Variants in ZNF485 observed in about 807,000 individuals in gnomAD.
ZNF485 encodes Zinc finger protein 93 (Zinc finger protein HTF34).
Under a neutral mutation model 10.8 loss-of-function variants are expected in ZNF485, and 9 were observed. The ratio of observed to expected loss-of-function variants is 0.83; its 90% CI spans 0.50 to 1.45. The LOEUF is 1.45. ZNF485 is among the 40% of genes most tolerant of loss of function. ZNF485 has a pLI of 0.00. For synonymous variants in ZNF485, 187 were observed against 181.0 expected (o/e 1.03, Z -0.27); for missense variants, 487 against 528.0 (o/e 0.92, Z 0.76).
Position 43,616,745 on chromosome 10 carries a change from A to G in ZNF485, c.702A>G (p.Arg234=), listed in dbSNP as rs1269115831. Residue 234 remains arginine, a synonymous_variant, in exon 5 of 5, where the codon AGA becomes AGG. Transcript: ENST00000361807. ...RKNSILLSHQ[R]IHTGQKPYKC... ...ACTCAATCCTTTTAAGTCATCAGAG[A>G]ATTCATACTGGCCAGAAACCCTACA... The G allele has an allele frequency of 3.1e-6, 5 of 1,614,150 alleles. No homozygotes were observed. Among genetic ancestry groups the G allele is most frequent in the Non-Finnish European group, 4.2e-6 (5 of 1,180,042 alleles).
In ZNF485 at chr10:43,608,618, CG is replaced by C. The variant is rs1838701759; in HGVS notation, c.30del (p.Leu11Ter). 54 of 1,613,096 alleles carry C rather than the reference CG, an allele frequency of 3.3e-5. No homozygotes were observed. Among genetic ancestry groups the C allele is most frequent in the Non-Finnish European group, 4.6e-5 (54 of 1,179,474 alleles). Reference protein sequence around the residue: MAPRAQIQGPLTFGDVAVAF... With the variant: MAPRAQIQGXLTFGDVAVAF... ...GAATTGGGTTTGGTTTTGCAGGGAC[CG>C]CTGACATTTGGGGATGTGGCTGTGG... On this transcript the variant is annotated frameshift_variant, in exon 3 of 5. Transcript: ENST00000361807. LOFTEE classifies it high-confidence loss of function.
Position 43,617,165 on chromosome 10 carries a change from A to T in ZNF485, c.1122A>T (p.Arg374Ser). ...TKSSTLTGHQ[R>S]IHTGEKPYHC... ...GCTCAACCCTTACTGGACATCAGAG[A>T]ATTCATACTGGAGAAAAACCCTATC... is the stretch of plus-strand genomic sequence containing the variant. Residue 374 changes from arginine (R) to serine (S), a missense_variant, in exon 5 of 5, where the codon AGA becomes AGT. Arg to Ser is a moderately radical substitution (Grantham distance 110). Coordinates refer to ENST00000361807, the MANE Select transcript of ZNF485 (RefSeq NM_145312.4). 6.2e-7 allele frequency: 1 copy of T among 1,614,214 alleles called. No homozygotes were observed. The highest frequency in any genetic ancestry group is 8.5e-7 in the Non-Finnish European group (1 of 1,180,036).
chr10:43,613,469 C>G (rs917754861), intron 4 of ZNF485, among the ~76,000 whole-genome samples: 1 of 152,198 alleles, frequency 6.6e-6, no homozygotes, highest in Non-Finnish European at 1.5e-5. Flanking sequence ...AGTACAGTTG[C>G]GGGGCCCCCT....
chr10:43,617,005 C>G lies in ZNF485; in HGVS notation c.962C>G (p.Thr321Ser). The G allele has an allele frequency of 6.2e-7, 1 of 1,614,132 alleles. No homozygotes were observed. The change falls in exon 5 of 5, where the codon ACT (threonine) becomes AGT (serine). Residue 321 changes from threonine to serine, a missense_variant. Thr to Ser is a moderately conservative substitution (Grantham distance 58). Coordinates refer to ENST00000361807, the MANE Select transcript of ZNF485 (RefSeq NM_145312.4). ...STLISHQRMH[T>S]GEKPYHCSKC... The stretch of plus-strand genomic sequence containing the variant: ...CTTATTAGTCACCAAAGAATGCATA[C>G]TGGGGAGAAACCCTATCACTGCAGT...
rs1027696587 is a variant in ZNF485, at chr10:43,606,455, C to A, written c.-146C>A. ...GTCTCCGCGTGGTGCGAGCGCTGCA[C>A]CAGCCCCTGGCTGGTGGTTACTGTC... is the stretch of plus-strand genomic sequence containing the variant. On this transcript the variant is annotated 5_prime_UTR_variant, in exon 1 of 5. Transcript: ENST00000361807. The A allele has an allele frequency of 2.4e-6, 1 of 415,732 alleles. No individual in the cohort carries two copies. Among genetic ancestry groups the A allele is most frequent in the South Asian group, 2.1e-5 (1 of 47,154 alleles). 25.8% of individuals were successfully genotyped at this position (415,732 alleles called of 1,614,324 possible).
intron 4 of ZNF485, 127 bp downstream of exon 4, chr10:43,609,477 T>C: frequency 1.5e-6 from 1 of 675,746 alleles, no homozygotes; most frequent in Non-Finnish European, 2.5e-6. Flanking sequence ...TTTGATGTCA[T>C]CCTCCTGTCA....
Position 43,616,821 on chromosome 10 carries a change from C to T in ZNF485, c.778C>T (p.His260Tyr). ...CGCTCAGAATGCAGCTCTTACTCGT[C>T]ATGAAAGAATACATAGTGGAGAGAA... ...AFAQNAALTRHERIHSGEKPF... is the reference protein window; with the variant it reads ...AFAQNAALTRYERIHSGEKPF... The change falls in exon 5 of 5, where the codon CAT becomes TAT. Residue 260 changes from histidine to tyrosine, a missense_variant. By Grantham distance (83) the His-to-Tyr change is moderately conservative. Coordinates refer to ENST00000361807, the MANE Select transcript of ZNF485 (RefSeq NM_145312.4). 2 of 1,614,060 alleles carry T rather than the reference C, an allele frequency of 1.2e-6. No homozygotes were observed. Among genetic ancestry groups the T allele is most frequent in the Non-Finnish European group, 1.7e-6 (2 of 1,179,990 alleles).
chr10:43,616,662 A>T lies in ZNF485; in HGVS notation c.619A>T (p.Ile207Phe), dbSNP rs1428763759. The T allele has an allele frequency of 6.2e-7, 1 of 1,614,212 alleles. No homozygotes were observed. Among genetic ancestry groups the T allele is most frequent in the East Asian group, 2.2e-5 (1 of 44,884 alleles). Reference sequence around the variant, plus strand: ...CTCAACGTTTATCAACCATCAGAGAATTCATTCTAGGGAGAAACCCCACAA... The same window carrying T: ...CTCAACGTTTATCAACCATCAGAGATTTCATTCTAGGGAGAAACCCCACAA... ...KHSTFINHQR[I>F]HSREKPHKCI... The change falls in exon 5 of 5, where the codon ATT becomes TTT. Residue 207 changes from isoleucine (I) to phenylalanine (F), a missense_variant. Coordinates refer to ENST00000361807, the MANE Select transcript of ZNF485 (RefSeq NM_145312.4).
chr10:43,608,509 C>T, intron 2 of ZNF485, 105 bp from the exon 3 acceptor site: 1 of 1,415,568 alleles, frequency 7.1e-7, no homozygotes, highest in Non-Finnish European at 9.5e-7. Context: ...TTTCCATGAG[C>T]ACTGTTGGAA....
Position 43,617,059 on chromosome 10 carries a change from C to T in ZNF485, c.1016C>T (p.Ser339Leu). 1 of 1,614,188 alleles carries T rather than the reference C, an allele frequency of 6.2e-7. No homozygotes were observed. The highest frequency in any genetic ancestry group is 8.5e-7 in the Non-Finnish European group (1 of 1,180,034). ...SKCGKSFRYS[S>L]SFAGHQKTHS... Reference sequence around the variant, plus strand: ...TGTGGAAAATCTTTCAGGTATAGCTCATCCTTTGCTGGTCATCAGAAAACT... The same window carrying T: ...TGTGGAAAATCTTTCAGGTATAGCTTATCCTTTGCTGGTCATCAGAAAACT... The change falls in exon 5 of 5, where the codon TCA (serine) becomes TTA (leucine). Residue 339 changes from serine (S) to leucine (L), a missense_variant. Ser to Leu is a moderately radical substitution (Grantham distance 145). Coordinates refer to ENST00000361807, the MANE Select transcript of ZNF485 (RefSeq NM_145312.4).
chr10:43,607,952 G>A (rs1838685293), intron 2 of ZNF485, among the ~76,000 whole-genome samples: 1 of 152,148 alleles, frequency 6.6e-6, no homozygotes, highest in Non-Finnish European at 1.5e-5. Flanking sequence ...ACTTTATATA[G>A]TTACGGCAGA....
chr10:43,610,074 A>G (rs1838740575), intron 4 of ZNF485, among the ~76,000 whole-genome samples: 1 of 152,188 alleles, frequency 6.6e-6, no homozygotes. Context: ...GCAGATTCCA[A>G]ACATAAGCAT....
intron 2 of ZNF485, among the ~76,000 whole-genome samples, chr10:43,608,329 T>C (rs796228092): frequency 3.9e-5 from 6 of 152,296 alleles, no homozygotes; most frequent in African/African-American, 9.6e-5. Context: ...GTTTCGAGAC[T>C]GAGTGGCAGA....
chr10:43,611,752 T>C (rs1180168848), intron 4 of ZNF485, among the ~76,000 whole-genome samples: 1 of 152,194 alleles, frequency 6.6e-6, no homozygotes, highest in Non-Finnish European at 1.5e-5. Flanking sequence ...GGAGTGTGAT[T>C]TAGCATGTTT....
chr10:43,617,123 G>A lies in ZNF485; in HGVS notation c.1080G>A (p.Gly360=), dbSNP rs1838878100. 1.2e-6 allele frequency: 2 copies of A among 1,614,040 alleles called. No homozygotes were observed. Among genetic ancestry groups the A allele is most frequent in the Admixed American group, 1.7e-5 (1 of 60,004 alleles). ...AACCGTATCAGTGTCGTGACTGTGG[G>A]AAGGCCTTTACAAAGAGCTCAACCC... is the stretch of plus-strand genomic sequence containing the variant. The part of the protein sequence containing the change: ...GNKPYQCRDC[G]KAFTKSSTLT... The change falls in exon 5 of 5, where the codon GGG becomes GGA. Residue 360 remains glycine (G), a synonymous_variant. Coordinates refer to ENST00000361807, the MANE Select transcript of ZNF485 (RefSeq NM_145312.4).
chr10:43,617,016 C>T lies in ZNF485; in HGVS notation c.973C>T (p.Pro325Ser). ...CCAAAGAATGCATACTGGGGAGAAA[C>T]CCTATCACTGCAGTAAATGTGGAAA... Reference protein sequence around the residue: ...SHQRMHTGEKPYHCSKCGKSF... With the variant: ...SHQRMHTGEKSYHCSKCGKSF... The change falls in exon 5 of 5, where the codon CCC becomes TCC. Residue 325 changes from proline to serine, a missense_variant. Physicochemically the swap from Pro to Ser is moderately conservative, Grantham distance 74. Transcript: ENST00000361807. The T allele has an allele frequency of 6.2e-7, 1 of 1,614,170 alleles. No individual in the cohort carries two copies. The highest frequency in any genetic ancestry group is 8.5e-7 in the Non-Finnish European group (1 of 1,180,044).
Position 43,617,052 on chromosome 10 carries a change from T to C in ZNF485, c.1009T>C (p.Tyr337His). 6.2e-7 allele frequency: 1 copy of C among 1,614,160 alleles called. No homozygotes were observed. The highest frequency in any genetic ancestry group is 1.1e-5 in the South Asian group (1 of 91,082). The change falls in exon 5 of 5, where the codon TAT (tyrosine) becomes CAT (histidine). Residue 337 changes from tyrosine (Y) to histidine (H), a missense_variant. By Grantham distance (83) the Tyr-to-His change is moderately conservative (BLOSUM62 2). Transcript: ENST00000361807. ...HCSKCGKSFR[Y>H]SSSFAGHQKT... ...CAGTAAATGTGGAAAATCTTTCAGGTATAGCTCATCCTTTGCTGGTCATCA... is the reference window on the plus strand; with the variant it reads ...CAGTAAATGTGGAAAATCTTTCAGGCATAGCTCATCCTTTGCTGGTCATCA...
chr10:43,608,547 G>C, intron 2 of ZNF485, 67 bp from the exon 3 acceptor site: 1 of 1,542,608 alleles, frequency 6.5e-7, no homozygotes, highest in Non-Finnish European at 8.8e-7. Flanking sequence ...TGACCACCTT[G>C]CTTCCTTCTC....
chr10:43,610,726 T>G (rs985458664), intron 4 of ZNF485, among the ~76,000 whole-genome samples: 7 of 149,780 alleles, frequency 4.7e-5, no homozygotes, highest in Non-Finnish European at 8.8e-5. Flanking sequence ...GTATTTTATG[T>G]TTTTTTTTGT....
Sources: gnomAD v4.1 joint callset for allele counts (sites outside exome capture counted in the v4.1 genomes callset) on GRCh38, gnomAD v4.1.1 for gene constraint, MANE v1.5 for transcripts, NCBI Gene and HGNC (gene_info 2026-07-23, HGNC 2026-07-21) for gene names.